ABTB3: variants seen among roughly 807,000 people sequenced by gnomAD.
ABTB3 encodes the protein ankyrin repeat and BTB domain containing 3, also known as ankyrin repeat- and BTB/POZ domain-containing protein 3.
chr12:107,525,654 G>T, the ABTB3 span, among the ~76,000 whole-genome samples: 6 of 152,274 alleles, frequency 3.9e-5, no homozygotes, highest in South Asian at 4.1e-4. Context: ...AATCAATGCT[G>T]GGCTGTATCT....
At chr12:107,396,770 C>G in the ABTB3 span, among the ~76,000 whole-genome samples, 1 of 152,270 alleles carries the variant, frequency 6.6e-6, no homozygotes, top group South Asian at 2.1e-4. Flanking sequence ...CAGCCAAAAT[C>G]CCTCTTGGTA....
chr12:107,517,733 G>A, the ABTB3 span, among the ~76,000 whole-genome samples: 1 of 152,144 alleles, frequency 6.6e-6, no homozygotes, highest in Non-Finnish European at 1.5e-5. Flanking sequence ...AACACCAAAA[G>A]CAATGGCAAC....
the ABTB3 span, among the ~76,000 whole-genome samples, chr12:107,647,338 A>G: frequency 6.6e-6 from 1 of 151,958 alleles, no homozygotes; most frequent in Non-Finnish European, 1.5e-5. Flanking sequence ...TCAAACTAAA[A>G]ATAAATAAAT....
chr12:107,444,777 G>A, the ABTB3 span, among the ~76,000 whole-genome samples: 592 of 152,276 alleles, frequency 3.9e-3, 7 homozygotes, highest in African/African-American at 0.012. Flanking sequence ...AGATTTTATC[G>A]GCAGTGTGGA....
chr12:107,460,475 C>T, the ABTB3 span, among the ~76,000 whole-genome samples: 58 of 152,266 alleles, frequency 3.8e-4, no homozygotes, highest in South Asian at 1.2e-3. Context: ...GGCAACATGA[C>T]GAAACCACGC....
the ABTB3 span, among the ~76,000 whole-genome samples, chr12:107,504,832 T>C: frequency 6.6e-6 from 1 of 152,264 alleles, no homozygotes; most frequent in African/African-American, 2.4e-5. Context: ...AAAATGCTTC[T>C]GACAGCTGGT....
the ABTB3 span, among the ~76,000 whole-genome samples, chr12:107,494,966 G>C: frequency 6.6e-6 from 1 of 152,336 alleles, no homozygotes; most frequent in Non-Finnish European, 1.5e-5. Flanking sequence ...GACTGTGGGG[G>C]ATGCAGGTGA....
At chr12:107,469,546 G>A in the ABTB3 span, among the ~76,000 whole-genome samples, 22 of 152,336 alleles carry the variant, frequency 1.4e-4, no homozygotes, top group Middle Eastern at 3.4e-3. Context: ...TGCCCGTCAT[G>A]TACGGGGGTG....
the ABTB3 span, among the ~76,000 whole-genome samples, chr12:107,423,031 A>G: frequency 1.3e-4 from 20 of 152,334 alleles, no homozygotes; most frequent in Non-Finnish European, 2.2e-4. Context: ...TTCTGACACA[A>G]TCACTCTGTC....
the ABTB3 span, among the ~76,000 whole-genome samples, chr12:107,345,659 G>A: frequency 6.6e-6 from 1 of 152,122 alleles, no homozygotes; most frequent in African/African-American, 2.4e-5. Context: ...GTGGAGGAGG[G>A]ACTGAATTCC....
chr12:107,545,165 T>C, the ABTB3 span, among the ~76,000 whole-genome samples: 1 of 152,228 alleles, frequency 6.6e-6, no homozygotes, highest in South Asian at 2.1e-4. Flanking sequence ...TACAAAACCA[T>C]GTCTCTTGGC....
chr12:107,439,695 A>G, the ABTB3 span, among the ~76,000 whole-genome samples: 1 of 152,132 alleles, frequency 6.6e-6, no homozygotes, highest in South Asian at 2.1e-4. Context: ...TTAGTGATTG[A>G]CATATGAAAA....
At chr12:107,469,992 CTTTCTTTCTTTCTT>C in the ABTB3 span, among the ~76,000 whole-genome samples, 68 of 96,578 alleles carry the variant, frequency 7.0e-4, 5 homozygotes, top group African/African-American at 3.6e-3. Flanking sequence ...TTCTTTCTTT[CTTTCTTTCTTTCTT>C]TCTTTCTCTC....
the ABTB3 span, chr12:107,640,545 G>A: frequency 1.8e-6 from 1 of 565,934 alleles, no homozygotes; most frequent in Admixed American, 3.4e-5. Context: ...GAATTCAAGA[G>A]TACAGGGAAG....
At chr12:107,635,872 A>ACC in the ABTB3 span, among the ~76,000 whole-genome samples, 71 of 22,184 alleles carry the variant, frequency 3.2e-3, no homozygotes, top group East Asian at 0.044. Flanking sequence ...CCACCCACCC[A>ACC]CACACACACA....
At chr12:107,587,112 C>T in the ABTB3 span, among the ~76,000 whole-genome samples, 1 of 152,224 alleles carries the variant, frequency 6.6e-6, no homozygotes, top group Non-Finnish European at 1.5e-5. Flanking sequence ...AACGGGAGCA[C>T]CCACTGTGGG....
chr12:107,318,469 C>G, the ABTB3 span: 23 of 155,102 alleles, frequency 1.5e-4, no homozygotes, highest in East Asian at 4.2e-3. Context: ...GCAGGGCAGG[C>G]TGGCGCCGAG....
the ABTB3 span, among the ~76,000 whole-genome samples, chr12:107,440,577 G>A: frequency 2.6e-5 from 4 of 152,078 alleles, no homozygotes; most frequent in South Asian, 4.1e-4. Context: ...GTTTGTTCAC[G>A]CGTTTTGATG....
chr12:107,433,883 G>T, the ABTB3 span, among the ~76,000 whole-genome samples: 1 of 152,216 alleles, frequency 6.6e-6, no homozygotes, highest in Non-Finnish European at 1.5e-5. Flanking sequence ...GATCAGTCGG[G>T]TTCTAGCCAG....
Sources: gnomAD v4.1 joint callset for allele counts (sites outside exome capture counted in the v4.1 genomes callset) on GRCh38, gnomAD v4.1.1 for gene constraint, MANE v1.5 for transcripts, NCBI Gene and HGNC (gene_info 2026-07-23, HGNC 2026-07-21) for gene names.